BICD1: variants seen among roughly 807,000 people sequenced by gnomAD.
BICD1 encodes the protein BICD cargo adaptor 1, also known as protein bicaudal D homolog 1.
In BICD1, 35 loss-of-function variants were observed where a neutral mutation model predicts 92.5. The ratio of observed to expected loss-of-function variants is 0.38; its 90% CI spans 0.29 to 0.50. The LOEUF (loss-of-function observed/expected upper bound fraction) is 0.50, where lower values mean the gene tolerates loss of function less well. Ranked by LOEUF, BICD1 falls within the 20% of genes least tolerant of loss-of-function variation. The probability of loss-of-function intolerance (pLI) is 0.93; values close to 1 mark genes in which losing one functional copy is unlikely to be tolerated. For synonymous variants in BICD1, 429 were observed against 465.1 expected, an observed-to-expected ratio of 0.92 and a Z score of 1.00; for missense variants, 950 against 1,189.8, an observed-to-expected ratio of 0.80 and a Z score of 2.97.
intron 1 of BICD1, among the ~76,000 whole-genome samples, chr12:32,199,877 G>C (rs999250645): frequency 2.6e-5 from 4 of 152,212 alleles, no homozygotes; most frequent in South Asian, 4.2e-4. Context: ...AATGGGTCCT[G>C]TTAAGAATTC....
intron 3 of BICD1, 92 bp downstream of exon 3, chr12:32,294,238 T>G: frequency 8.1e-7 from 1 of 1,228,722 alleles, no homozygotes; most frequent in Non-Finnish European, 1.1e-6. Flanking sequence ...GAATTTATTG[T>G]TACTCTTTTA....
intron 1 of BICD1, among the ~76,000 whole-genome samples, chr12:32,205,710 ATATAT>A (rs1187678222): frequency 1.4e-5 from 1 of 69,084 alleles, no homozygotes; most frequent in African/African-American, 4.8e-5. Flanking sequence ...AATATGTGCA[ATATAT>A]TATATGTCAA....
chr12:32,248,155 G>T (rs1946438294), intron 2 of BICD1, among the ~76,000 whole-genome samples: 1 of 152,098 alleles, frequency 6.6e-6, no homozygotes, highest in African/African-American at 2.4e-5. Context: ...TAGAATCCTA[G>T]AGAAAAATGT....
chr12:32,248,935 A>G (rs1284597433), intron 2 of BICD1, among the ~76,000 whole-genome samples: 2 of 152,120 alleles, frequency 1.3e-5, no homozygotes, highest in African/African-American at 4.8e-5. Context: ...GCCACTCCAT[A>G]TTGATTTACT....
intron 5 of BICD1, among the ~76,000 whole-genome samples, chr12:32,333,957 GTTCT>G (rs1481021283): frequency 2.0e-5 from 3 of 152,042 alleles, no homozygotes; most frequent in African/African-American, 7.2e-5. Flanking sequence ...AAAGTAATTA[GTTCT>G]TTATCACTTC....
intron 1 of BICD1, among the ~76,000 whole-genome samples, chr12:32,115,891 G>A (rs1188895179): frequency 6.6e-6 from 1 of 152,168 alleles, no homozygotes; most frequent in Non-Finnish European, 1.5e-5. Context: ...TCTGGGTCTT[G>A]GTGGCAAGCC....
chr12:32,238,961 A>AG (rs1946154920), intron 2 of BICD1, among the ~76,000 whole-genome samples: 1 of 131,298 alleles, frequency 7.6e-6, no homozygotes. Context: ...AAAAAAAAAA[A>AG]AAAGGCTGGG....
chr12:32,368,830 G>A (rs751639885), intron 9 of BICD1, among the ~76,000 whole-genome samples: 17 of 152,156 alleles, frequency 1.1e-4, no homozygotes, highest in Non-Finnish European at 1.8e-4. Flanking sequence ...CAGGAGGATT[G>A]CTTGAGTCCA....
At chr12:32,270,150 G>C (rs1264554235) in intron 2 of BICD1, among the ~76,000 whole-genome samples, 1 of 149,180 alleles carries the variant, frequency 6.7e-6, no homozygotes, top group Non-Finnish European at 1.5e-5. Flanking sequence ...TTATTATTTA[G>C]TTTTATCTTC....
At chr12:32,119,912 A>C (rs1942082269) in intron 1 of BICD1, among the ~76,000 whole-genome samples, 1 of 152,180 alleles carries the variant, frequency 6.6e-6, no homozygotes. Context: ...ATGAGCTAAT[A>C]CATAAACCTT....
chr12:32,316,666 C>G (rs188679615), intron 4 of BICD1, among the ~76,000 whole-genome samples: 1 of 151,616 alleles, frequency 6.6e-6, no homozygotes, highest in Non-Finnish European at 1.5e-5. Context: ...AGTTGAGGAG[C>G]ATCTGTATAC....
rs751623535 is a variant in BICD1 at position 32,327,662 on chromosome 12, G to T, written c.1207G>T (p.Ala403Ser). The change falls in exon 5 of 10, where the codon GCC becomes TCC. Residue 403 changes from alanine to serine, a missense_variant. This residue lies in a region of BICD1 where 246 missense variants were observed against 258.4 expected (regional missense o/e 0.95). Coordinates refer to ENST00000652176, the MANE Select transcript of BICD1 (RefSeq NM_001714.4). ...GAAGGGCCGGGACTCAGGGGAGGAGGCCCATGACTATGAGGTGGACATCAA... is the reference window on the plus strand; with the variant it reads ...GAAGGGCCGGGACTCAGGGGAGGAGTCCCATGACTATGAGGTGGACATCAA... ...GEKGRDSGEE[A>S]HDYEVDINGL... 1.1e-5 allele frequency: 17 copies of T among 1,613,944 alleles called. No individual in the cohort carries two copies. In the East Asian group the frequency reaches 3.8e-4, roughly 36 times the overall value.
At chr12:32,227,276 T>C (rs888991675) in intron 2 of BICD1, 4 of 152,366 alleles carry the variant, frequency 2.6e-5, no homozygotes, top group African/African-American at 7.2e-5. Flanking sequence ...CTGGTAACTT[T>C]ACAGTCAGAT....
At chr12:32,303,920 A>T (rs1948136756) in intron 3 of BICD1, among the ~76,000 whole-genome samples, 1 of 152,118 alleles carries the variant, frequency 6.6e-6, no homozygotes, top group Admixed American at 6.5e-5. Flanking sequence ...TAAAAATACA[A>T]AAAAATTAGC....
At chr12:32,270,350 G>A (rs1316543854) in intron 2 of BICD1, among the ~76,000 whole-genome samples, 1 of 151,958 alleles carries the variant, frequency 6.6e-6, no homozygotes, top group Admixed American at 6.6e-5. Context: ...TTTAAAAGTC[G>A]ATCAGTTTCA....
At chr12:32,193,541 T>C (rs1944635475) in intron 1 of BICD1, among the ~76,000 whole-genome samples, 1 of 152,162 alleles carries the variant, frequency 6.6e-6, no homozygotes. Flanking sequence ...TTATAGCTAA[T>C]ACCAAATAAA....
At chr12:32,257,718 A>G (rs1291120683) in intron 2 of BICD1, among the ~76,000 whole-genome samples, 1 of 152,236 alleles carries the variant, frequency 6.6e-6, no homozygotes, top group African/African-American at 2.4e-5. Flanking sequence ...GTAACAGAGA[A>G]AACTAAAAAC....
chr12:32,330,466 C>T (rs992032910), intron 5 of BICD1, among the ~76,000 whole-genome samples: 9 of 151,500 alleles, frequency 5.9e-5, no homozygotes, highest in African/African-American at 1.7e-4. Context: ...GGAGATTTAC[C>T]TAATGTAAAT....
chr12:32,146,429 G>A (rs1211625089), intron 1 of BICD1, among the ~76,000 whole-genome samples: 1 of 151,124 alleles, frequency 6.6e-6, no homozygotes, highest in Non-Finnish European at 1.5e-5. Context: ...TCAAGTGGAG[G>A]TGCTGGTAGG....
Sources: gnomAD v4.1 joint callset for allele counts (sites outside exome capture counted in the v4.1 genomes callset) on GRCh38, gnomAD v4.1.1 for gene constraint, gnomAD v4.1.1 regional missense constraint, MANE v1.5 for transcripts, NCBI Gene and HGNC (gene_info 2026-07-23, HGNC 2026-07-21) for gene names.